PDE4D: variants seen among roughly 807,000 people sequenced by gnomAD.
PDE4D encodes 3',5'-cyclic-AMP phosphodiesterase 4D.
A neutral mutation model predicts 87.4 loss-of-function variants in PDE4D; 24 were observed. The observed-to-expected ratio is 0.27, with a 90% CI of 0.20 to 0.39. The LOEUF is 0.39. Ranked by LOEUF, PDE4D falls within the 10% of genes least tolerant of loss-of-function variation. The pLI is 1.00. For synonymous variants in PDE4D, 384 were observed against 383.2 expected (o/e 1.00, Z -0.02); for missense variants, 714 against 1,041.0 (o/e 0.69, Z 4.32).
At chr5:60,270,850 T>G (rs751003995) in intron 1 of PDE4D, among the ~76,000 whole-genome samples, 25 of 152,354 alleles carry the variant, frequency 1.6e-4, no homozygotes, top group Admixed American at 1.6e-3. Flanking sequence ...TAAAAATTTC[T>G]ATGTCATTCT....
intron 1 of PDE4D, among the ~76,000 whole-genome samples, chr5:59,399,940 C>G (rs1790266716): frequency 8.7e-6 from 1 of 114,482 alleles, no homozygotes; most frequent in Admixed American, 8.5e-5. Flanking sequence ...ACAGACACTT[C>G]TCAAAAGAAG....
At chr5:60,485,875 C>G (rs11746901) in intron 1 of PDE4D, among the ~76,000 whole-genome samples, 19,245 of 152,118 alleles carry the variant, frequency 0.13, 1,326 homozygotes, top group Non-Finnish European at 0.16. Flanking sequence ...AGGAAAGTAC[C>G]GATGCAAGAC....
chr5:59,205,787 A>G (rs1748655965), intron 2 of PDE4D, among the ~76,000 whole-genome samples: 1 of 152,158 alleles, frequency 6.6e-6, no homozygotes, highest in Non-Finnish European at 1.5e-5. Flanking sequence ...GAATTTTGAA[A>G]CATGGAAATA....
At chr5:59,277,885 A>T (rs2153545414) in intron 1 of PDE4D, among the ~76,000 whole-genome samples, 1 of 152,190 alleles carries the variant, frequency 6.6e-6, no homozygotes, top group African/African-American at 2.4e-5. Flanking sequence ...AACCTAACAC[A>T]CTTATTGGGC....
intron 1 of PDE4D, among the ~76,000 whole-genome samples, chr5:59,554,992 C>G (rs2153689268): frequency 6.6e-6 from 1 of 152,288 alleles, no homozygotes; most frequent in East Asian, 1.9e-4. Context: ...TCAGCAGTCC[C>G]ATTCCTGGGT....
chr5:59,038,200 C>T (rs1758892316), intron 6 of PDE4D, among the ~76,000 whole-genome samples: 1 of 152,206 alleles, frequency 6.6e-6, no homozygotes, highest in African/African-American at 2.4e-5. Context: ...CCTCAAAACT[C>T]CATTAACTGC....
chr5:59,232,612 G>T (rs1013778379), intron 1 of PDE4D, among the ~76,000 whole-genome samples: 1 of 151,710 alleles, frequency 6.6e-6, no homozygotes, highest in African/African-American at 2.4e-5. Flanking sequence ...ACAGCATAGA[G>T]ATTTCCCAGA....
chr5:59,358,594 T>C (rs1220861153), intron 1 of PDE4D, among the ~76,000 whole-genome samples: 1 of 152,168 alleles, frequency 6.6e-6, no homozygotes, highest in African/African-American at 2.4e-5. Flanking sequence ...CTGGCAGAGT[T>C]AGCACTGAGC....
At chr5:59,360,626 A>G (rs7700870) in intron 1 of PDE4D, among the ~76,000 whole-genome samples, 12,829 of 152,236 alleles carry the variant, frequency 0.084, 1,572 homozygotes, top group African/African-American at 0.27. Flanking sequence ...ATCAAAATCA[A>G]CTATAAGTTA....
intron 1 of PDE4D, among the ~76,000 whole-genome samples, chr5:59,835,779 G>T (rs1289164852): frequency 1.3e-5 from 2 of 151,984 alleles, no homozygotes; most frequent in South Asian, 2.1e-4. Context: ...TTATAGTCAA[G>T]GTTAGGTAGG....
chr5:60,317,320 A>T (rs1378960846), intron 1 of PDE4D, among the ~76,000 whole-genome samples: 3 of 152,040 alleles, frequency 2.0e-5, no homozygotes, highest in Non-Finnish European at 4.4e-5. Context: ...ATTTCTGTGG[A>T]ATCAGTGGTG....
chr5:60,383,000 C>T (rs1053017718), intron 1 of PDE4D, among the ~76,000 whole-genome samples: 1 of 152,092 alleles, frequency 6.6e-6, no homozygotes, highest in Non-Finnish European at 1.5e-5. Context: ...AATAACTCAT[C>T]AAGGGAAAGT....
At chr5:59,286,053 C>T (rs1357475337) in intron 1 of PDE4D, among the ~76,000 whole-genome samples, 2 of 152,250 alleles carry the variant, frequency 1.3e-5, no homozygotes, top group African/African-American at 2.4e-5. Flanking sequence ...TTAGCACATT[C>T]GTATTTGTAT....
Position 58,992,018 on chromosome 5 carries a change from G to C in PDE4D, c.1016-14C>G. 1 of 1,477,908 alleles carries C rather than the reference G, an allele frequency of 6.8e-7. No homozygotes were observed. The highest frequency in any genetic ancestry group is 1.4e-5 in the African/African-American group (1 of 70,384). 91.5% of individuals were successfully genotyped at this position (1,477,908 alleles called of 1,614,324 possible). A position where few individuals can be genotyped will look rare whatever the true frequency, so the allele number is the denominator to read the frequency against. ...CATGTTGCTTATCTTGAGAAATTTA[G>C]AAAATGTTCTATATTTATTATTAAT... On this transcript the variant is annotated splice_polypyrimidine_tract_variant and intron_variant, in intron 7 of 14. Transcript: ENST00000340635.
intron 6 of PDE4D, among the ~76,000 whole-genome samples, chr5:59,008,496 A>G (rs549434328): frequency 1.2e-4 from 18 of 152,194 alleles, no homozygotes; most frequent in Admixed American, 7.2e-4. Flanking sequence ...GAGAAATGAT[A>G]TTCTTTTCAA....
intron 2 of PDE4D, among the ~76,000 whole-genome samples, chr5:60,075,051 G>A (rs769068063): frequency 1.3e-5 from 2 of 152,128 alleles, no homozygotes; most frequent in Non-Finnish European, 2.9e-5. Context: ...TCATCATGTT[G>A]TTAGGTGGTT....
intron 1 of PDE4D, among the ~76,000 whole-genome samples, chr5:60,435,797 C>G (rs947774889): frequency 2.0e-5 from 3 of 151,876 alleles, no homozygotes; most frequent in Non-Finnish European, 2.9e-5. Flanking sequence ...TGGGAAATAC[C>G]TCTTTCTATT....
chr5:59,374,974 T>A (rs1373421573), intron 1 of PDE4D, among the ~76,000 whole-genome samples: 1 of 152,130 alleles, frequency 6.6e-6, no homozygotes, highest in Admixed American at 6.5e-5. Flanking sequence ...TCAATAAGGT[T>A]TTTGAAACAA....
intron 3 of PDE4D, among the ~76,000 whole-genome samples, chr5:59,934,932 A>G (rs1027924017): frequency 1.1e-4 from 17 of 152,188 alleles, no homozygotes; most frequent in Non-Finnish European, 1.6e-4. Flanking sequence ...AGAGACGACA[A>G]TTTTCAATGT....
Sources: gnomAD v4.1 joint callset for allele counts (sites outside exome capture counted in the v4.1 genomes callset) on GRCh38, gnomAD v4.1.1 for gene constraint, MANE v1.5 for transcripts, NCBI Gene and HGNC (gene_info 2026-07-23, HGNC 2026-07-21) for gene names.